PRKN: variants seen among roughly 807,000 people sequenced by gnomAD.
The protein encoded by PRKN is E3 ubiquitin-protein ligase parkin.
PRKN carries 56 observed loss-of-function variants against 59.5 expected under a neutral mutation model. That is an observed-to-expected ratio of 0.94 (90% CI 0.76 to 1.18). The LOEUF is 1.18. PRKN is among the 50% of genes most tolerant of loss of function. PRKN has a pLI of 0.00. For missense variants in PRKN, 657 were observed against 596.4 expected, an observed-to-expected ratio of 1.10 and a Z score of -1.06; for synonymous variants, 250 against 222.1, an observed-to-expected ratio of 1.13 and a Z score of -1.12.
chr6:161,807,143 G>C (rs1274231558), intron 6 of PRKN, among the ~76,000 whole-genome samples: 2 of 152,182 alleles, frequency 1.3e-5, no homozygotes, highest in Non-Finnish European at 2.9e-5. Context: ...GTTACATTGA[G>C]GATATGAGAA....
intron 6 of PRKN, among the ~76,000 whole-genome samples, chr6:161,829,849 C>T (rs367716513): frequency 4.6e-5 from 4 of 86,426 alleles, no homozygotes; most frequent in Admixed American, 1.2e-4. Context: ...CACTAAATGC[C>T]AAAAAAAAAA....
Position 161,553,222 on chromosome 6 carries a change from C to A in PRKN, c.934-4219G>T, listed in dbSNP as rs192146575. Among the ~76,000 whole-genome samples the A allele has an allele frequency of 2.0e-5, 3 of 151,546 alleles. No individual in the cohort carries two copies. In the East Asian group the frequency reaches 6.2e-4, roughly 31 times the overall value. ...AGGACATGTGACCTACAGAGTTTCC[C>A]AGTCTTCATTTTGCTGATTGTATCC... On this transcript the variant is annotated intron_variant, in intron 8 of 11. Coordinates refer to ENST00000366898, the MANE Select transcript of PRKN (RefSeq NM_004562.3).
In PRKN at chr6:161,894,128, T is replaced by C. The variant is rs143830720; in HGVS notation, c.734+79174A>G. 1.7e-3 allele frequency among the ~76,000 whole-genome samples: 266 copies of C among 152,318 alleles called. 1 individual carries two copies. Among genetic ancestry groups the C allele is most frequent in the African/African-American group, 6.2e-3 (259 of 41,574 alleles). On this transcript the variant is annotated intron_variant, in intron 6 of 11. Transcript: ENST00000366898. ...AAGTTCTCACCATTGGAGACTTTTC[T>C]GACACTACTCTCTCTTCATTAGCTC...
chr6:162,365,638 C>T lies in PRKN; in HGVS notation c.171+77672G>A, dbSNP rs182698826. ...GGAATGTCCTGTCCCAAGGTATTGG[C>T]GTGGTGGTTCCTGCTGTCTCATCAC... On this transcript the variant is annotated intron_variant, in intron 2 of 11. Coordinates refer to ENST00000366898, the MANE Select transcript of PRKN (RefSeq NM_004562.3). Among the ~76,000 whole-genome samples the T allele has an allele frequency of 5.3e-5, 8 of 152,212 alleles. No homozygotes were observed. The East Asian group carries it at 1.4e-3, about 26-fold the overall frequency.
At chr6:162,051,521 T>C (rs1297147541) in intron 5 of PRKN, among the ~76,000 whole-genome samples, 1 of 152,162 alleles carries the variant, frequency 6.6e-6, no homozygotes, top group Non-Finnish European at 1.5e-5. Flanking sequence ...GAACAATGTG[T>C]TCCTGCCTGA....
At chr6:161,433,689 A>G (rs1361875379) in intron 9 of PRKN, among the ~76,000 whole-genome samples, 3 of 152,106 alleles carry the variant, frequency 2.0e-5, no homozygotes, top group Non-Finnish European at 4.4e-5. Flanking sequence ...TCTGTCATTT[A>G]AAAGATTGCT....
intron 2 of PRKN, among the ~76,000 whole-genome samples, chr6:162,295,393 G>C (rs1781624999): frequency 6.6e-6 from 1 of 152,124 alleles, no homozygotes; most frequent in Admixed American, 6.5e-5. Context: ...CTATTTATCA[G>C]TCTATATTTA....
intron 1 of PRKN, chr6:162,694,717 T>C (rs1307473270): frequency 3.9e-5 from 6 of 152,254 alleles, no homozygotes; most frequent in African/African-American, 1.2e-4. Flanking sequence ...AATTTGAATG[T>C]GATTTCATGA....
Position 162,443,419 on chromosome 6 carries a change from G to C in PRKN, c.62C>G (p.Thr21Ser). Residue 21 changes from threonine to serine, a missense_variant, in exon 2 of 12, where the codon ACC becomes AGC. Physicochemically the swap from Thr to Ser is moderately conservative, Grantham distance 58 (BLOSUM62 1). Coordinates refer to ENST00000366898, the MANE Select transcript of PRKN (RefSeq NM_004562.3). ...CACCTCCTTGAGCTGGAAGATGCTG[G>C]TGTCAGAATCGACCTCCACTGGGAA... Reference protein sequence around the residue: ...HGFPVEVDSDTSIFQLKEVVA... With the variant: ...HGFPVEVDSDSSIFQLKEVVA... 1 of 1,614,070 alleles carries C rather than the reference G, an allele frequency of 6.2e-7. No homozygotes were observed.
At chr6:161,821,840 C>T (rs542755394) in intron 6 of PRKN, among the ~76,000 whole-genome samples, 1 of 147,816 alleles carries the variant, frequency 6.8e-6, no homozygotes, top group African/African-American at 2.5e-5. Flanking sequence ...CTTCTGCGCC[C>T]TGGGTTGAAG....
rs748702631 is a variant in PRKN, at chr6:161,440,970, G to C, written c.1084-54093C>G. Among the ~76,000 whole-genome samples the C allele has an allele frequency of 2.6e-5, 4 of 152,232 alleles. No individual in the cohort carries two copies. Among genetic ancestry groups the C allele is most frequent in the East Asian group, 1.9e-4 (1 of 5,194 alleles). On this transcript the variant is annotated intron_variant, in intron 9 of 11. Transcript: ENST00000366898. The surrounding 1 kb of genome is among the most constrained non-coding windows in gnomAD (Gnocchi z 4.1). ...CAAAGAGAAAGATGGGATTGTTCTT[G>C]CAAAATCTCATTGGTAAAGAGAGAG... is the stretch of plus-strand genomic sequence containing the variant.
chr6:162,000,805 A>G lies in PRKN; in HGVS notation c.619-27388T>C, dbSNP rs537827437. Among the ~76,000 whole-genome samples, 4 of 151,596 alleles carry G rather than the reference A, an allele frequency of 2.6e-5. No individual in the cohort carries two copies. In the South Asian group the frequency reaches 8.3e-4, roughly 32 times the overall value. On this transcript the variant is annotated intron_variant, in intron 5 of 11. Transcript: ENST00000366898. Reference sequence around the variant, plus strand: ...CTGCACTTTAACAGTGAGGACTATGAAAGTTTTAATTTTGTAAGGAGTACA... The same window carrying G: ...CTGCACTTTAACAGTGAGGACTATGGAAGTTTTAATTTTGTAAGGAGTACA...
At chr6:162,134,312 T>C (rs1000585157) in intron 4 of PRKN, among the ~76,000 whole-genome samples, 1 of 152,176 alleles carries the variant, frequency 6.6e-6, no homozygotes, top group Non-Finnish European at 1.5e-5. Context: ...GGAAGCAAGA[T>C]AGCACCAGAC....
chr6:162,047,190 T>C (rs1784286797), intron 5 of PRKN, among the ~76,000 whole-genome samples: 1 of 152,212 alleles, frequency 6.6e-6, no homozygotes, highest in South Asian at 2.1e-4. Flanking sequence ...AGAGCATTTC[T>C]CTTCAGCCAA....
Position 161,502,937 on chromosome 6 carries a change from TAGG to T in PRKN, c.1083+45914_1083+45916del, listed in dbSNP as rs1022553134. Among the ~76,000 whole-genome samples the T allele has an allele frequency of 1.3e-5, 2 of 152,166 alleles. No homozygotes were observed. The highest frequency in any genetic ancestry group is 2.9e-5 in the Non-Finnish European group (2 of 68,024). On this transcript the variant is annotated intron_variant, in intron 9 of 11. Transcript: ENST00000366898. This position sits in a 1 kb window ranked among gnomAD's most constrained non-coding sequence, Gnocchi z 4.0. Reference sequence around the variant, plus strand: ...ACCTTCACTTTCTTCATTTTAATTGTAGGAGGAGAACAGCACTTACTTCATGCA... The same window carrying T: ...ACCTTCACTTTCTTCATTTTAATTGTAGGAGAACAGCACTTACTTCATGCA...
At chr6:161,659,840 T>C (rs1370347050) in intron 7 of PRKN, among the ~76,000 whole-genome samples, 1 of 152,152 alleles carries the variant, frequency 6.6e-6, no homozygotes, top group Non-Finnish European at 1.5e-5. Flanking sequence ...CTATCCACAC[T>C]TATTCAGGTT....
intron 2 of PRKN, among the ~76,000 whole-genome samples, chr6:162,300,685 A>G (rs1193468964): frequency 3.9e-5 from 6 of 152,128 alleles, no homozygotes; most frequent in Admixed American, 2.0e-4. Context: ...AAGAGTCAAG[A>G]GCCAGGATGT....
intron 3 of PRKN, among the ~76,000 whole-genome samples, chr6:162,238,819 C>G (rs1778856112): frequency 6.6e-6 from 1 of 152,160 alleles, no homozygotes; most frequent in South Asian, 2.1e-4. Flanking sequence ...GTGCCAGGCA[C>G]AGCTGTGTGG....
chr6:162,619,348 A>T (rs999567191), intron 1 of PRKN, among the ~76,000 whole-genome samples: 1 of 150,778 alleles, frequency 6.6e-6, no homozygotes, highest in African/African-American at 2.4e-5. Flanking sequence ...GGGTTTCACC[A>T]TGTTGGCTAG....
Sources: allele counts gnomAD v4.1 joint callset (sites outside exome capture counted in the v4.1 genomes callset), GRCh38; gene constraint gnomAD v4.1.1; non-coding constraint Gnocchi (gnomAD v3.1); transcripts MANE v1.5; gene names NCBI Gene and HGNC (gene_info 2026-07-23, HGNC 2026-07-21).